Variants in CCNY observed in about 807,000 individuals in gnomAD.
The protein encoded by CCNY is cyclin Y.
A neutral mutation model predicts 42.8 loss-of-function variants in CCNY; 19 were observed. The observed-to-expected ratio is 0.44, with a 90% confidence interval of 0.31 to 0.65. CCNY has a LOEUF of 0.65. CCNY is among the 30% of genes least tolerant of loss of function. The probability of loss-of-function intolerance (pLI) is 0.07; values close to 1 mark genes in which losing one functional copy is unlikely to be tolerated. For synonymous variants in CCNY, 165 were observed against 162.7 expected, an observed-to-expected ratio of 1.01 and a Z score of -0.11; for missense variants, 370 against 437.3, an observed-to-expected ratio of 0.85 and a Z score of 1.37.
At chr10:35,426,886 A>G (rs967764378) in intron 1 of CCNY, among the ~76,000 whole-genome samples, 1 of 152,218 alleles carries the variant, frequency 6.6e-6, no homozygotes. Context: ...GCATATCACA[A>G]TAGGCCTTGT....
At chr10:35,505,799 G>C (rs1008676842) in intron 3 of CCNY, among the ~76,000 whole-genome samples, 6 of 152,188 alleles carry the variant, frequency 3.9e-5, no homozygotes, top group African/African-American at 1.2e-4. Flanking sequence ...CTGGTATTTT[G>C]AGTATGGATA....
intron 2 of CCNY, among the ~76,000 whole-genome samples, chr10:35,493,857 T>G (rs780104602): frequency 7.9e-5 from 12 of 152,222 alleles, no homozygotes; most frequent in Non-Finnish European, 2.9e-5. Flanking sequence ...ATCCTTACCC[T>G]AGAGTGTAGG....
chr10:35,442,725 G>A (rs1838700146), intron 1 of CCNY, among the ~76,000 whole-genome samples: 1 of 152,178 alleles, frequency 6.6e-6, no homozygotes, highest in Admixed American at 6.5e-5. Context: ...GATGGCTACG[G>A]GACGGGCTAT....
At chr10:35,483,535 T>A in intron 2 of CCNY, 57 bp downstream of exon 2, 1 of 1,063,164 alleles carries the variant, frequency 9.4e-7, no homozygotes, top group Non-Finnish European at 1.4e-6. Flanking sequence ...GTACTTCGCC[T>A]AGTGTTGATT....
chr10:35,535,933 C>G (rs1804398513), intron 7 of CCNY, among the ~76,000 whole-genome samples: 1 of 152,202 alleles, frequency 6.6e-6, no homozygotes, highest in Non-Finnish European at 1.5e-5. Context: ...TTTGTTTACT[C>G]ATTCATCAGT....
intron 7 of CCNY, among the ~76,000 whole-genome samples, chr10:35,551,171 G>T (rs569449425): frequency 6.6e-6 from 1 of 152,052 alleles, no homozygotes; most frequent in African/African-American, 2.4e-5. Flanking sequence ...TTGTGCATTC[G>T]CATCCCGTAA....
Position 35,403,497 on chromosome 10 carries a change from C to T in CCNY, c.154+66290C>T, listed in dbSNP as rs1274130193. Among the ~76,000 whole-genome samples the T allele has an allele frequency of 4.6e-5, 7 of 152,306 alleles. No individual in the cohort carries two copies. In the South Asian group the frequency reaches 6.2e-4, roughly 14 times the overall value. ...TCTTTAGCTACCTTACCAGCATAAG[C>T]GTTGCCCTGAGCCATGGGATCTGAT... On this transcript the variant is annotated intron_variant, in intron 1 of 9. Coordinates refer to ENST00000374704, the MANE Select transcript of CCNY (RefSeq NM_145012.6).
intron 1 of CCNY, among the ~76,000 whole-genome samples, chr10:35,480,872 A>G (rs1446706728): frequency 6.6e-6 from 1 of 152,172 alleles, no homozygotes; most frequent in Admixed American, 6.5e-5. Flanking sequence ...AGGCTGAAGC[A>G]GGAGGATCGC....
At chr10:35,560,326 C>A (rs1468919010) in intron 8 of CCNY, among the ~76,000 whole-genome samples, 1 of 152,184 alleles carries the variant, frequency 6.6e-6, no homozygotes, top group East Asian at 1.9e-4. Context: ...GCCCTCCCAA[C>A]CCCTAGTGTT....
At chr10:35,479,333 A>G (rs754911199) in intron 1 of CCNY, among the ~76,000 whole-genome samples, 2,409 of 149,946 alleles carry the variant, frequency 0.016, 33 homozygotes, top group Non-Finnish European at 0.025. Context: ...ATTATTCACA[A>G]TAGCAAAGAC....
chr10:35,397,113 A>G (rs1376101667), intron 1 of CCNY, among the ~76,000 whole-genome samples: 1 of 152,202 alleles, frequency 6.6e-6, no homozygotes, highest in East Asian at 1.9e-4. Context: ...TCCCTCTGCC[A>G]CTGCTCTGTG....
intron 7 of CCNY, among the ~76,000 whole-genome samples, chr10:35,532,594 T>TA (rs769319927): frequency 3.3e-5 from 5 of 152,246 alleles, no homozygotes; most frequent in Admixed American, 6.5e-5. Context: ...CTCCTATGGA[T>TA]ACTGCCACAT....
At chr10:35,405,996 C>T (rs987743442) in intron 1 of CCNY, among the ~76,000 whole-genome samples, 50 of 152,042 alleles carry the variant, frequency 3.3e-4, no homozygotes, top group Non-Finnish European at 1.3e-4. Context: ...GTGGTTCAGG[C>T]GTTTGGAGTT....
At chr10:35,481,783 G>A (rs150184815) in intron 1 of CCNY, among the ~76,000 whole-genome samples, 244 of 152,176 alleles carry the variant, frequency 1.6e-3, no homozygotes, top group African/African-American at 5.3e-3. Context: ...ATTTAGTAAC[G>A]CATTTGTTAT....
intron 7 of CCNY, among the ~76,000 whole-genome samples, chr10:35,541,234 A>G (rs1268175306): frequency 6.6e-6 from 1 of 152,084 alleles, no homozygotes; most frequent in Non-Finnish European, 1.5e-5. Flanking sequence ...TTTGTTTTAA[A>G]TTAGTTTTAG....
intron 1 of CCNY, among the ~76,000 whole-genome samples, chr10:35,400,686 G>T (rs1293744282): frequency 1.3e-5 from 2 of 152,194 alleles, no homozygotes; most frequent in East Asian, 3.8e-4. Context: ...TACTTAAACA[G>T]TATTTTTGAT....
At position 35,272,933 on chromosome 10, in the gene CCNY, T is replaced by A. The variant is rs534273564; in HGVS notation, c.-9+22307T>A. ...CTCCACAACTTTGCTAGCACCTTTTTTTTTTTTGACTTTTTAATAATGGTC... is the reference window on the plus strand; with the variant it reads ...CTCCACAACTTTGCTAGCACCTTTTATTTTTTTGACTTTTTAATAATGGTC... On this transcript the variant is annotated intron_variant, in intron 3 of 11. Coordinates refer to the CCNY transcript ENST00000374706. Among the ~76,000 whole-genome samples the A allele has an allele frequency of 5.6e-4, 85 of 152,236 alleles. 2 individuals are homozygous for A. The South Asian group carries it at 0.017, about 31-fold the overall frequency.
At chr10:35,551,427 T>C (rs1341043700) in intron 7 of CCNY, among the ~76,000 whole-genome samples, 3 of 152,140 alleles carry the variant, frequency 2.0e-5, no homozygotes, top group Non-Finnish European at 4.4e-5. Context: ...CGTTTTGTAA[T>C]ATTTAAGACT....
intron 1 of CCNY, among the ~76,000 whole-genome samples, chr10:35,458,045 G>A (rs1236475327): frequency 4.6e-5 from 7 of 152,170 alleles, no homozygotes; most frequent in African/African-American, 9.7e-5. Context: ...GACATGTTAT[G>A]TACGTGTTCT....
Sources: allele counts gnomAD v4.1 joint callset (sites outside exome capture counted in the v4.1 genomes callset), GRCh38; gene constraint gnomAD v4.1.1; transcripts MANE v1.5; gene names NCBI Gene and HGNC (gene_info 2026-07-23, HGNC 2026-07-21).